Variants in ARMC8 observed in about 807,000 individuals in gnomAD.
ARMC8 encodes armadillo repeat containing 8, also known as armadillo repeat-containing protein 8.
A neutral mutation model predicts 99.3 loss-of-function variants in ARMC8; 20 were observed. The observed-to-expected ratio is 0.20, with a 90% CI of 0.14 to 0.29. ARMC8 has a LOEUF of 0.29. ARMC8 is among the 10% of genes least tolerant of loss of function. ARMC8 has a pLI of 1.00. For synonymous variants in ARMC8, 263 were observed against 278.3 expected (o/e 0.95, Z 0.55); for missense variants, 569 against 809.5 (o/e 0.70, Z 3.60).
chr3:138,280,682 CAG>C (rs1012560527), intron 18 of ARMC8, among the ~76,000 whole-genome samples: 12 of 151,804 alleles, frequency 7.9e-5, no homozygotes, highest in African/African-American at 2.9e-4. Flanking sequence ...TTAGTAGAGA[CAG>C]GGTTTCACCA....
chr3:138,226,983 A>T (rs1317475039), intron 5 of ARMC8, among the ~76,000 whole-genome samples: 1 of 152,206 alleles, frequency 6.6e-6, no homozygotes, highest in Non-Finnish European at 1.5e-5. Context: ...GGGAAGAACT[A>T]GTACAGTGTT....
intron 18 of ARMC8, among the ~76,000 whole-genome samples, chr3:138,277,784 C>A (rs911617370): frequency 3.9e-5 from 6 of 152,130 alleles, no homozygotes; most frequent in African/African-American, 1.4e-4. Context: ...CCATTCCTAG[C>A]CGTTTACTCA....
chr3:138,209,858 T>G lies in ARMC8; in HGVS notation c.87T>G (p.Phe29Leu), dbSNP rs776613707. The G allele has an allele frequency of 1.2e-6, 2 of 1,613,976 alleles. No homozygotes were observed. The highest frequency in any genetic ancestry group is 3.3e-5 in the Admixed American group (2 of 60,016). Residue 29 changes from phenylalanine (F) to leucine (L), a missense_variant, in exon 2 of 22, where the codon TTT (phenylalanine) becomes TTG (leucine). Phe to Leu is a conservative substitution (Grantham distance 22, BLOSUM62 0). Around this residue, in one of 2 missense-constraint regions of ARMC8, gnomAD observed 342 missense variants for 391.6 expected, o/e 0.87. Coordinates refer to ENST00000469044, the MANE Select transcript of ARMC8 (RefSeq NM_001363941.2). ...GTCGCCACTATGTTGACAGGCTATT[T>G]GACCCTGATCCCCAGAAAGTTCTAC... ...ASSRHYVDRL[F>L]DPDPQKVLQG...
chr3:138,215,128 A>G (rs1387706327), intron 2 of ARMC8, among the ~76,000 whole-genome samples: 1 of 152,254 alleles, frequency 6.6e-6, no homozygotes, highest in Non-Finnish European at 1.5e-5. Flanking sequence ...TTACTTGCAG[A>G]CAGATAAGCT....
Position 138,187,578 on chromosome 3 carries a change from A to C in ARMC8, c.24A>C (p.Pro8=), listed in dbSNP as rs905201941. Residue 8 remains proline (P), a synonymous_variant, in exon 1 of 22, where the codon CCA becomes CCC. Transcript: ENST00000469044. MACLLET[P]IRMSVLSEVT... Reference sequence around the variant, plus strand: ...AGATGGCGTGCTTGTTGGAGACCCCAATCCGCATGAGCGTCCTTTCGGTGA... The same window carrying C: ...AGATGGCGTGCTTGTTGGAGACCCCCATCCGCATGAGCGTCCTTTCGGTGA... The C allele has an allele frequency of 1.7e-5, 26 of 1,535,596 alleles. No homozygotes were observed. Among genetic ancestry groups the C allele is most frequent in the African/African-American group, 2.7e-5 (2 of 73,012 alleles).
chr3:138,262,690 A>C, intron 12 of ARMC8: 1 of 1,171,322 alleles, frequency 8.5e-7, no homozygotes, highest in Non-Finnish European at 1.1e-6. Context: ...GATTAAAAAA[A>C]AAAATCTCCC....
chr3:138,256,811 C>G (rs1252871531), intron 12 of ARMC8, among the ~76,000 whole-genome samples: 1 of 152,056 alleles, frequency 6.6e-6, no homozygotes, highest in Non-Finnish European at 1.5e-5. Context: ...TCTGTGGTTT[C>G]TACAGCAATG....
At chr3:138,188,078 C>G (rs1299978170) in intron 1 of ARMC8, 1 of 229,090 alleles carries the variant, frequency 4.4e-6, no homozygotes, top group African/African-American at 2.3e-5. Flanking sequence ...GCTGCCAGGC[C>G]AAGTCTGTGC....
chr3:138,204,966 A>G (rs900022218), intron 1 of ARMC8, among the ~76,000 whole-genome samples: 1 of 151,440 alleles, frequency 6.6e-6, no homozygotes. Context: ...TAACATGTCC[A>G]CAACTGAATT....
At chr3:138,286,514 T>C (rs1356192536) in intron 19 of ARMC8, among the ~76,000 whole-genome samples, 1 of 152,210 alleles carries the variant, frequency 6.6e-6, no homozygotes, top group Non-Finnish European at 1.5e-5. Context: ...CCTCCCTACC[T>C]ATCTCTGGAC....
chr3:138,225,954 T>A (rs576981469), intron 5 of ARMC8, among the ~76,000 whole-genome samples: 6 of 152,202 alleles, frequency 3.9e-5, no homozygotes, highest in Non-Finnish European at 8.8e-5. Context: ...ATGGGTCACC[T>A]CACACAGTAG....
intron 2 of ARMC8, among the ~76,000 whole-genome samples, chr3:138,219,804 C>G (rs1262329165): frequency 1.3e-5 from 2 of 152,152 alleles, no homozygotes; most frequent in Non-Finnish European, 2.9e-5. Flanking sequence ...CCATCAGTTA[C>G]CTCCTTCATG....
chr3:138,233,377 T>C (rs2046160299), intron 6 of ARMC8, among the ~76,000 whole-genome samples: 1 of 152,200 alleles, frequency 6.6e-6, no homozygotes, highest in Admixed American at 6.5e-5. Context: ...TTTATCCTCA[T>C]AACCTCAGGA....
At chr3:138,191,734 T>C (rs2043395902) in intron 1 of ARMC8, among the ~76,000 whole-genome samples, 1 of 152,250 alleles carries the variant, frequency 6.6e-6, no homozygotes, top group South Asian at 2.1e-4. Context: ...TTTTCTATAA[T>C]GTCATATGAA....
rs750129504 is a variant in ARMC8, at chr3:138,237,521, A to C, written c.725A>C (p.Lys242Thr). The stretch of plus-strand genomic sequence containing the variant: ...GAATTGTTACCACAGATTTTTGTGA[A>C]GATGTTACAGAGGGATAAGCCTATT... Reference protein sequence around the residue: ...DGELLPQIFVKMLQRDKPIEM... With the variant: ...DGELLPQIFVTMLQRDKPIEM... The change falls in exon 9 of 22, where the codon AAG becomes ACG. Residue 242 changes from lysine (K) to threonine (T), a missense_variant. Physicochemically the swap from Lys to Thr is moderately conservative, Grantham distance 78. Transcript: ENST00000469044. 2.5e-5 allele frequency: 40 copies of C among 1,613,816 alleles called. No homozygotes were observed. Among genetic ancestry groups the C allele is most frequent in the Non-Finnish European group, 3.3e-5 (39 of 1,179,992 alleles).
At chr3:138,262,716 C>A in intron 12 of ARMC8, 1 of 882,856 alleles carries the variant, frequency 1.1e-6, no homozygotes, top group Non-Finnish European at 1.6e-6. Flanking sequence ...AATTCTTCTG[C>A]AAGGACAACC....
intron 1 of ARMC8, among the ~76,000 whole-genome samples, chr3:138,205,266 G>C (rs2044307990): frequency 6.6e-6 from 1 of 151,092 alleles, no homozygotes; most frequent in Non-Finnish European, 1.5e-5. Context: ...GGCCAGGCTG[G>C]TCTCGATCTC....
At chr3:138,231,754 G>A (rs2046043096) in intron 6 of ARMC8, among the ~76,000 whole-genome samples, 1 of 151,452 alleles carries the variant, frequency 6.6e-6, no homozygotes, top group Non-Finnish European at 1.5e-5. Flanking sequence ...GACCAGCCTG[G>A]GCAACGTAGT....
intron 17 of ARMC8, among the ~76,000 whole-genome samples, chr3:138,273,629 G>C (rs916437827): frequency 6.6e-6 from 1 of 152,144 alleles, no homozygotes; most frequent in Non-Finnish European, 1.5e-5. Context: ...ACCTCTCAAT[G>C]TTCTCTAATG....
Sources: allele counts gnomAD v4.1 joint callset (sites outside exome capture counted in the v4.1 genomes callset), GRCh38; gene constraint gnomAD v4.1.1; regional missense constraint gnomAD v4.1.1; transcripts MANE v1.5; gene names NCBI Gene and HGNC (gene_info 2026-07-23, HGNC 2026-07-21).